The following UNC5A variants were observed in gnomAD, a reference collection of about 807,000 sequenced individuals.
UNC5A encodes unc-5 netrin receptor A, also known as netrin receptor UNC5A.
UNC5A carries 20 observed loss-of-function variants against 87.4 expected under a neutral mutation model. The observed-to-expected ratio is 0.23, with a 90% CI of 0.16 to 0.33. The LOEUF is 0.33. Ranked by LOEUF, UNC5A falls within the 10% of genes least tolerant of loss-of-function variation. The pLI is 1.00. For synonymous variants in UNC5A, 438 were observed against 482.3 expected (o/e 0.91, Z 1.20); for missense variants, 844 against 1,133.4 (o/e 0.74, Z 3.67).
Position 176,875,491 on chromosome 5 carries a change from G to A in UNC5A, c.1378+925G>A, listed in dbSNP as rs1381726659. Among the ~76,000 whole-genome samples the A allele has an allele frequency of 2.0e-5, 3 of 151,860 alleles. No individual in the cohort carries two copies. Among genetic ancestry groups the A allele is most frequent in the African/African-American group, 4.8e-5 (2 of 41,306 alleles). On this transcript the variant is annotated intron_variant, in intron 8 of 14. Transcript: ENST00000329542. The surrounding 1 kb of genome is among the most constrained non-coding windows in gnomAD (Gnocchi z 5.2). ...TGCCCCCCGCCAGCTTCAGTCCCAC[G>A]CCAGTCCCTCCTCAATAGCTCCTGC...
At position 176,879,721 on chromosome 5, in the gene UNC5A, C is replaced by A; in HGVS notation, c.2364C>A (p.Ser788Arg). Residue 788 changes from serine to arginine, a missense_variant and splice_region_variant, in exon 15 of 15, where the codon AGC becomes AGA. Coordinates refer to ENST00000329542, the MANE Select transcript of UNC5A (RefSeq NM_133369.3). ...RTLAQKLHLD[S>R]HLSFFASKPS... ...CTGACGGCCCCCCTCCCCTCCACAG[C>A]CATCTCAGCTTCTTTGCCTCCAAGC... 1.9e-6 allele frequency: 3 copies of A among 1,612,304 alleles called. No homozygotes were observed. The highest frequency in any genetic ancestry group is 1.7e-6 in the Non-Finnish European group (2 of 1,179,492).
At chr5:176,829,299 T>C (rs1324420356) in intron 1 of UNC5A, among the ~76,000 whole-genome samples, 2 of 37,696 alleles carry the variant, frequency 5.3e-5, no homozygotes, top group African/African-American at 8.5e-5. Flanking sequence ...AGTGGGTGGA[T>C]GGGTGGATGG....
At chr5:176,820,063 C>T (rs2113586384) in intron 1 of UNC5A, among the ~76,000 whole-genome samples, 1 of 152,184 alleles carries the variant, frequency 6.6e-6, no homozygotes, top group South Asian at 2.1e-4. Flanking sequence ...GAGATCGAGA[C>T]CATCCTGGCT....
chr5:176,846,191 C>T (rs1384232793), intron 1 of UNC5A, among the ~76,000 whole-genome samples: 1 of 152,230 alleles, frequency 6.6e-6, no homozygotes, highest in South Asian at 2.1e-4. Flanking sequence ...TGGAGCCTGG[C>T]ACTCTCCAGG....
intron 1 of UNC5A, among the ~76,000 whole-genome samples, chr5:176,831,885 C>CTTTTT (rs10580672): frequency 1.1e-4 from 3 of 27,668 alleles, no homozygotes; most frequent in African/African-American, 1.8e-4. Flanking sequence ...TTCTCTCTCT[C>CTTTTT]TTTTTTTTTT....
At position 176,873,682 on chromosome 5, in the gene UNC5A, G is replaced by C. The variant is rs549356928; in HGVS notation, c.887-286G>C. The stretch of plus-strand genomic sequence containing the variant: ...AGCCAGGCACCAGGTTATCCGCTCT[G>C]GGGAAGTAGCTCTTCCCCTCCTGCA... On this transcript the variant is annotated intron_variant, in intron 6 of 14. Transcript: ENST00000329542. Among the ~76,000 whole-genome samples the C allele has an allele frequency of 2.6e-5, 4 of 152,270 alleles. No individual in the cohort carries two copies. In the East Asian group the frequency reaches 7.7e-4, roughly 29 times the overall value.
At position 176,844,888 on chromosome 5, in the gene UNC5A, G is replaced by C. The variant is rs971500056; in HGVS notation, c.71-17736G>C. ...CCCTGCCCAGTGCTCATGACAGACA[G>C]CAGCAGTTCCACACTTGGGTCTGCA... On this transcript the variant is annotated intron_variant, in intron 1 of 14. Transcript: ENST00000329542. This position sits in a 1 kb window ranked among gnomAD's most constrained non-coding sequence, Gnocchi z 4.2. 6.6e-6 allele frequency among the ~76,000 whole-genome samples: 1 copy of C among 152,178 alleles called. No individual in the cohort carries two copies. The highest frequency in any genetic ancestry group is 1.5e-5 in the Non-Finnish European group (1 of 68,030).
chr5:176,879,208 C>T (rs2149371389), intron 13 of UNC5A, 102 bp from the exon 14 acceptor site: 3 of 1,388,958 alleles, frequency 2.2e-6, no homozygotes, highest in East Asian at 2.4e-5. Flanking sequence ...TCATGCCGCC[C>T]CCATGCTCTG....
At chr5:176,839,578 C>G (rs1581254154) in intron 1 of UNC5A, among the ~76,000 whole-genome samples, 1 of 152,324 alleles carries the variant, frequency 6.6e-6, no homozygotes, top group Non-Finnish European at 1.5e-5. Flanking sequence ...GCCCTCACTC[C>G]TAGTAAAGGG....
At chr5:176,864,811 C>G in intron 2 of UNC5A, 1 of 456,046 alleles carries the variant, frequency 2.2e-6, no homozygotes, top group South Asian at 1.5e-5. Flanking sequence ...ACCTCCTACC[C>G]TCAGAGGGAG....
chr5:176,839,825 T>C (rs1331134157), intron 1 of UNC5A, among the ~76,000 whole-genome samples: 2 of 141,926 alleles, frequency 1.4e-5, no homozygotes, highest in Non-Finnish European at 3.1e-5. Flanking sequence ...TTTTTTTTTT[T>C]TTTTTTTTCT....
At chr5:176,834,831 A>G (rs539791501) in intron 1 of UNC5A, among the ~76,000 whole-genome samples, 1 of 151,930 alleles carries the variant, frequency 6.6e-6, no homozygotes, top group East Asian at 1.9e-4. Context: ...GTGCTAGGAG[A>G]TGGTGTCCCT....
At chr5:176,828,985 C>T (rs951599050) in intron 1 of UNC5A, among the ~76,000 whole-genome samples, 1 of 152,044 alleles carries the variant, frequency 6.6e-6, no homozygotes, top group African/African-American at 2.4e-5. Flanking sequence ...AAAAATTAGA[C>T]AGGTGTGGTG....
In UNC5A at chr5:176,841,237, T is replaced by C. The variant is rs2113621457; in HGVS notation, c.71-21387T>C. ...TATTTCCTTTGAGCCACAGAGCTGC[T>C]CAGTGACACAGGTGATTGTGGGTGC... is the stretch of plus-strand genomic sequence containing the variant. On this transcript the variant is annotated intron_variant, in intron 1 of 14. Coordinates refer to ENST00000329542, the MANE Select transcript of UNC5A (RefSeq NM_133369.3). The surrounding 1 kb of genome is among the most constrained non-coding windows in gnomAD (Gnocchi z 4.1). Among the ~76,000 whole-genome samples the C allele has an allele frequency of 6.6e-6, 1 of 152,350 alleles. No homozygotes were observed. The highest frequency in any genetic ancestry group is 2.4e-5 in the African/African-American group (1 of 41,584).
chr5:176,815,224 G>A (rs556075144), intron 1 of UNC5A, among the ~76,000 whole-genome samples: 2 of 152,304 alleles, frequency 1.3e-5, no homozygotes, highest in South Asian at 4.1e-4. Flanking sequence ...CAGCTCCTAC[G>A]TGGGGTGGGA....
chr5:176,849,608 G>C (rs1473321884), intron 1 of UNC5A, among the ~76,000 whole-genome samples: 1 of 152,122 alleles, frequency 6.6e-6, no homozygotes, highest in East Asian at 1.9e-4. Flanking sequence ...CTCTCATCTG[G>C]CCTGCCCCCT....
intron 1 of UNC5A, among the ~76,000 whole-genome samples, chr5:176,817,187 C>T (rs780907652): frequency 6.7e-6 from 1 of 149,396 alleles, no homozygotes; most frequent in Non-Finnish European, 1.5e-5. Context: ...CCCCCAGAGC[C>T]GGGCCTCTCC....
intron 1 of UNC5A, among the ~76,000 whole-genome samples, chr5:176,839,673 G>A (rs559570439): frequency 4.0e-4 from 61 of 152,358 alleles, no homozygotes; most frequent in African/African-American, 1.4e-3. Context: ...AGGATGTGCA[G>A]GGAGTGGGTG....
At chr5:176,819,346 A>T (rs1756671860) in intron 1 of UNC5A, among the ~76,000 whole-genome samples, 2 of 152,098 alleles carry the variant, frequency 1.3e-5, no homozygotes, top group Admixed American at 1.3e-4. Context: ...AAATATTAGA[A>T]CCCAACTCAC....
Sources: allele counts gnomAD v4.1 joint callset (sites outside exome capture counted in the v4.1 genomes callset), GRCh38; gene constraint gnomAD v4.1.1; non-coding constraint Gnocchi (gnomAD v3.1); transcripts MANE v1.5; gene names NCBI Gene and HGNC (gene_info 2026-07-23, HGNC 2026-07-21).